Variants in TMEM44 observed in about 807,000 individuals in gnomAD.
The protein encoded by TMEM44 is transmembrane protein 44.
A neutral mutation model predicts 47.8 loss-of-function variants in TMEM44; 43 were observed. The observed-to-expected ratio is 0.90, with a 90% CI of 0.70 to 1.16. The LOEUF (loss-of-function observed/expected upper bound fraction) is 1.16. TMEM44 is among the 50% of genes most tolerant of loss of function. The probability of loss-of-function intolerance (pLI) is 0.00; values close to 1 mark genes in which losing one functional copy is unlikely to be tolerated. For missense variants in TMEM44, 568 were observed against 555.2 expected, an observed-to-expected ratio of 1.02 and a Z score of -0.23; for synonymous variants, 277 against 238.8, an observed-to-expected ratio of 1.16 and a Z score of -1.48.
In TMEM44 at chr3:194,611,326, TCAAGTGATCCA is replaced by T. The variant is rs1162853974; in HGVS notation, c.913-317_913-307del. 2.0e-5 allele frequency among the ~76,000 whole-genome samples: 3 copies of T among 152,130 alleles called. No individual in the cohort carries two copies. The highest frequency in any genetic ancestry group is 6.5e-5 in the Admixed American group (1 of 15,270). Reference sequence around the variant, plus strand: ...CCAGGTTGGTCTCAAAGTCCTGGGCTCAAGTGATCCACGAGTGATCCTCCCACCTCGGCCTC... The same window carrying T: ...CCAGGTTGGTCTCAAAGTCCTGGGCTCGAGTGATCCTCCCACCTCGGCCTC... On this transcript the variant is annotated intron_variant, in intron 7 of 9. Coordinates refer to ENST00000347147, the MANE Select transcript of TMEM44 (RefSeq NM_001011655.3). This position sits in a 1 kb window ranked among gnomAD's most constrained non-coding sequence, Gnocchi z 4.2.
chr3:194,610,930 C>T lies in TMEM44; in HGVS notation c.1003G>A (p.Glu335Lys), dbSNP rs765388104. Residue 335 changes from glutamate (E) to lysine (K), a missense_variant, in exon 8 of 10, where the codon GAG becomes AAG. Transcript: ENST00000347147. Reference sequence around the variant, plus strand: ...TGGCCACTCACCTGCTGCACAGGCTCGATGGTCAGCTCCATGTAGCGACTG... The same window carrying T: ...TGGCCACTCACCTGCTGCACAGGCTTGATGGTCAGCTCCATGTAGCGACTG... ...AISRYMELTIEPVQQAGCSAT... is the reference protein window; with the variant it reads ...AISRYMELTIKPVQQAGCSAT... 7.4e-6 allele frequency: 12 copies of T among 1,613,538 alleles called. No individual in the cohort carries two copies. Among genetic ancestry groups the T allele is most frequent in the Non-Finnish European group, 9.3e-6 (11 of 1,179,802 alleles).
intron 9 of TMEM44, among the ~76,000 whole-genome samples, chr3:194,596,066 G>T (rs1713371496): frequency 6.6e-6 from 1 of 152,156 alleles, no homozygotes; most frequent in African/African-American, 2.4e-5. Context: ...AGAGAAAGCT[G>T]GCTGGGTGCA....
chr3:194,629,498 C>T (rs967470448), intron 1 of TMEM44, among the ~76,000 whole-genome samples: 1 of 151,650 alleles, frequency 6.6e-6, no homozygotes, highest in Non-Finnish European at 1.5e-5. Flanking sequence ...CTCTGAAATA[C>T]GTTGTTGTAC....
At chr3:194,616,638 C>A in intron 6 of TMEM44, 1 of 456,172 alleles carries the variant, frequency 2.2e-6, no homozygotes, top group Non-Finnish European at 4.4e-6. Flanking sequence ...GACGGCGTGG[C>A]CCTGCCTTGC....
At chr3:194,628,206 T>C (rs543455838) in intron 2 of TMEM44, among the ~76,000 whole-genome samples, 177 bp downstream of exon 2, 27 of 152,284 alleles carry the variant, frequency 1.8e-4, no homozygotes, top group African/African-American at 3.9e-4. Flanking sequence ...CAAGTGGATA[T>C]TGGGAACAAG....
rs926824546 is a variant in TMEM44, at chr3:194,598,271, C to A, written c.1176+6016G>T. 5.3e-5 allele frequency among the ~76,000 whole-genome samples: 8 copies of A among 152,192 alleles called. No individual in the cohort carries two copies. In the East Asian group the frequency reaches 1.5e-3, roughly 29 times the overall value. The stretch of plus-strand genomic sequence containing the variant: ...CTGTCTGTCTCAGCCGTCTCCTGTT[C>A]TGACACTCCTTGAGAACAGAGTCAG... On this transcript the variant is annotated intron_variant, in intron 9 of 9. Coordinates refer to ENST00000347147, the MANE Select transcript of TMEM44 (RefSeq NM_001011655.3).
At chr3:194,592,711 G>A (rs1188413012) in intron 9 of TMEM44, among the ~76,000 whole-genome samples, 1 of 152,014 alleles carries the variant, frequency 6.6e-6, no homozygotes, top group Non-Finnish European at 1.5e-5. Flanking sequence ...CATCTCCCAG[G>A]TTCAAGCGAT....
At chr3:194,625,771 C>T (rs1415348101) in intron 3 of TMEM44, 126 bp downstream of exon 3, 13 of 819,114 alleles carry the variant, frequency 1.6e-5, no homozygotes, top group South Asian at 5.9e-5. Flanking sequence ...TGAGCCACCG[C>T]GCCCAGCCTT....
At chr3:194,608,178 T>A (rs898537805) in intron 8 of TMEM44, among the ~76,000 whole-genome samples, 28 of 152,314 alleles carry the variant, frequency 1.8e-4, no homozygotes, top group South Asian at 1.7e-3. Flanking sequence ...GGAAGGATGG[T>A]TTAATGGCTG....
At chr3:194,633,024 G>A (rs919003322) in intron 1 of TMEM44, 55 bp downstream of exon 1, 15 of 1,199,080 alleles carry the variant, frequency 1.3e-5, no homozygotes, top group Non-Finnish European at 1.7e-5. Context: ...GGGAGCAGCA[G>A]GGGATTGGCG....
intron 7 of TMEM44, among the ~76,000 whole-genome samples, chr3:194,612,179 C>A (rs1715396858): frequency 6.6e-6 from 1 of 152,166 alleles, no homozygotes; most frequent in Non-Finnish European, 1.5e-5. Context: ...ACTTTGAGAA[C>A]CACTGCTCTG....
At chr3:194,610,236 A>G (rs1181642385) in intron 8 of TMEM44, among the ~76,000 whole-genome samples, 1 of 151,278 alleles carries the variant, frequency 6.6e-6, no homozygotes, top group Non-Finnish European at 1.5e-5. Flanking sequence ...AGAGAAAAAG[A>G]TGATAGACTC....
intron 1 of TMEM44, among the ~76,000 whole-genome samples, chr3:194,629,163 CAA>C (rs879372253): frequency 1.7e-4 from 18 of 104,550 alleles, no homozygotes; most frequent in Admixed American, 1.0e-4. Flanking sequence ...GACTCCGTCT[CAA>C]AAAAAAAAAA....
rs1263839506 is a variant in TMEM44, at chr3:194,588,644, G to T, written c.1177-5C>A. The stretch of plus-strand genomic sequence containing the variant: ...GTTCACATCTTCAGGGTCCCACTAT[G>T]GAGAAAAGATGCAAAGGGTAGCTGG... On this transcript the variant is annotated splice_region_variant and splice_polypyrimidine_tract_variant and intron_variant, in intron 9 of 9. Transcript: ENST00000347147. The T allele has an allele frequency of 1.2e-6, 2 of 1,613,774 alleles. No individual in the cohort carries two copies. Among genetic ancestry groups the T allele is most frequent in the South Asian group, 2.2e-5 (2 of 91,082 alleles).
At chr3:194,633,003 G>A in intron 1 of TMEM44, 76 bp downstream of exon 1, 1 of 1,509,180 alleles carries the variant, frequency 6.6e-7, no homozygotes, top group South Asian at 1.2e-5. Flanking sequence ...CCCTCCTCTA[G>A]GTTTCCGAGA....
At chr3:194,617,641 C>T in intron 5 of TMEM44, 1 of 703,784 alleles carries the variant, frequency 1.4e-6, no homozygotes, top group Non-Finnish European at 2.6e-6. Flanking sequence ...CTCACCATCT[C>T]AGTGCCCAGC....
chr3:194,622,982 G>A (rs1716725572), intron 5 of TMEM44: 3 of 435,574 alleles, frequency 6.9e-6, no homozygotes, highest in Non-Finnish European at 1.2e-5. Flanking sequence ...AAATGGGGAA[G>A]AACACACGGG....
chr3:194,615,946 C>G (rs1715834580), intron 6 of TMEM44, among the ~76,000 whole-genome samples: 1 of 152,188 alleles, frequency 6.6e-6, no homozygotes, highest in South Asian at 2.1e-4. Context: ...ATTTGCAAAA[C>G]TAAAGCATTT....
intron 7 of TMEM44, 44 bp downstream of exon 7, chr3:194,615,525 G>A (rs1243860254): frequency 6.2e-7 from 1 of 1,604,526 alleles, no homozygotes; most frequent in Non-Finnish European, 8.5e-7. Flanking sequence ...CTGTTGCTGG[G>A]ACCAGAGTTT....
Sources: gnomAD v4.1 joint callset for allele counts (sites outside exome capture counted in the v4.1 genomes callset) on GRCh38, gnomAD v4.1.1 for gene constraint, Gnocchi (gnomAD v3.1) non-coding constraint, MANE v1.5 for transcripts, NCBI Gene and HGNC (gene_info 2026-07-23, HGNC 2026-07-21) for gene names.